The following SYNE2 variants were observed in gnomAD, a reference collection of about 807,000 sequenced individuals.
SYNE2 encodes the protein nesprin-2.
A neutral mutation model predicts 856.3 loss-of-function variants in SYNE2; 431 were observed. That is an observed-to-expected ratio of 0.50 (90% CI 0.47 to 0.55). The LOEUF (loss-of-function observed/expected upper bound fraction) is 0.55, where lower values mean the gene tolerates loss of function less well. Ranked by LOEUF, SYNE2 falls within the 20% of genes least tolerant of loss-of-function variation. The pLI is 0.00. For synonymous variants in SYNE2, 2,923 were observed against 2,872.3 expected (o/e 1.02, Z -0.56); for missense variants, 8,129 against 8,023.2 (o/e 1.01, Z -0.50).
chr14:64,094,652 A>G (rs2097661533), intron 61 of SYNE2, among the ~76,000 whole-genome samples: 1 of 152,234 alleles, frequency 6.6e-6, no homozygotes, highest in South Asian at 2.1e-4. Flanking sequence ...GTGCAAGATG[A>G]CACAGCTGTT....
At position 64,216,286 on chromosome 14, in the gene SYNE2, G is replaced by A. The variant is rs202052357; in HGVS notation, c.19441G>A (p.Asp6481Asn). ...GGATGGCCACTCGTGGCATGTTCCC[G>A]ACAGCCCTTCCTGTCCCGAGCATCA... is the stretch of plus-strand genomic sequence containing the variant. Reference protein sequence around the residue: ...ISDGHSWHVPDSPSCPEHHYK... With the variant: ...ISDGHSWHVPNSPSCPEHHYK... Residue 6481 changes from aspartate to asparagine, a missense_variant, in exon 108 of 116, where the codon GAC becomes AAC. By Grantham distance (23) the Asp-to-Asn change is conservative. This residue lies in a region of SYNE2 where 5,410 missense variants were observed against 5,284.8 expected (regional missense o/e 1.02). Coordinates refer to ENST00000555002, the MANE Select transcript of SYNE2 (RefSeq NM_182914.3). The A allele has an allele frequency of 9.3e-6, 15 of 1,614,012 alleles. No individual in the cohort carries two copies. The highest frequency in any genetic ancestry group is 3.3e-5 in the South Asian group (3 of 91,086).
At chr14:64,027,840 T>G in intron 43 of SYNE2, 47 bp downstream of exon 43, 2 of 1,432,266 alleles carry the variant, frequency 1.4e-6, no homozygotes, top group Non-Finnish European at 2.0e-6. Context: ...TAATTATACA[T>G]AAGTATGCAA....
intron 1 of SYNE2, among the ~76,000 whole-genome samples, chr14:63,855,839 T>C (rs971470321): frequency 1.3e-5 from 2 of 152,222 alleles, no homozygotes; most frequent in Non-Finnish European, 2.9e-5. Flanking sequence ...AACTGGCGTA[T>C]AGCAGGTCCT....
At chr14:64,138,220 C>CTT (rs2098112039) in intron 79 of SYNE2, among the ~76,000 whole-genome samples, 1 of 151,742 alleles carries the variant, frequency 6.6e-6, no homozygotes, top group Non-Finnish European at 1.5e-5. Flanking sequence ...CTTTTCTTTT[C>CTT]TTTTCTTTTT....
chr14:63,956,531 T>C (rs1035665111), intron 8 of SYNE2: 9 of 434,290 alleles, frequency 2.1e-5, no homozygotes, highest in African/African-American at 1.8e-4. Context: ...GATTTGTCAC[T>C]TAATCTTTTT....
At chr14:63,816,927 T>C (rs1468535575) in intron 1 of SYNE2, among the ~76,000 whole-genome samples, 1 of 152,054 alleles carries the variant, frequency 6.6e-6, no homozygotes, top group Non-Finnish European at 1.5e-5. Context: ...CTATATTGGC[T>C]AGGCTAATCA....
intron 2 of SYNE2, among the ~76,000 whole-genome samples, chr14:63,932,014 C>T (rs1481587855): frequency 3.3e-5 from 5 of 152,084 alleles, no homozygotes; most frequent in East Asian, 1.9e-4. Flanking sequence ...TAGTAATAAG[C>T]GGAAAAGATT....
chr14:64,168,173 G>A (rs140509049), intron 92 of SYNE2, among the ~76,000 whole-genome samples: 28 of 152,182 alleles, frequency 1.8e-4, no homozygotes, highest in South Asian at 8.3e-4. Flanking sequence ...GCGCAATCTC[G>A]GCTCACTGAA....
At chr14:64,039,178 A>AG (rs2097128028) in intron 45 of SYNE2, among the ~76,000 whole-genome samples, 1 of 152,248 alleles carries the variant, frequency 6.6e-6, no homozygotes, top group African/African-American at 2.4e-5. Context: ...AAAGCTTTAG[A>AG]GAAAAAAGAA....
At chr14:63,944,571 T>G (rs935411759) in intron 6 of SYNE2, among the ~76,000 whole-genome samples, 1 of 142,976 alleles carries the variant, frequency 7.0e-6, no homozygotes, top group Non-Finnish European at 1.5e-5. Flanking sequence ...TTGCCCAGGC[T>G]GGAGTGCAGT....
intron 9 of SYNE2, among the ~76,000 whole-genome samples, chr14:63,962,821 G>A (rs527609088): frequency 6.6e-4 from 100 of 152,226 alleles, no homozygotes; most frequent in African/African-American, 2.3e-3. Context: ...GATTATAGGC[G>A]AGCCACTGTG....
At position 64,209,440 on chromosome 14, in the gene SYNE2, G is replaced by T; in HGVS notation, c.18402G>T (p.Thr6134=). ...TTGCTCCCATCAGAATCGAGGAGAC[G>T]TGGCGCCTGTGGCAGAAGTTTTTAG... ...SMERRMKIEE[T]WRLWQKFLDD... The change falls in exon 102 of 116, where the codon ACG becomes ACT. Residue 6134 remains threonine (T), a synonymous_variant. Coordinates refer to ENST00000555002, the MANE Select transcript of SYNE2 (RefSeq NM_182914.3). 1.2e-6 allele frequency: 2 copies of T among 1,614,232 alleles called. No homozygotes were observed. Among genetic ancestry groups the T allele is most frequent in the South Asian group, 1.1e-5 (1 of 91,086 alleles).
Position 63,793,769 on chromosome 14 carries a change from C to A in SYNE2, c.-305+31783C>A, listed in dbSNP as rs528247779. On this transcript the variant is annotated intron_variant, in intron 1 of 23. Coordinates refer to the SYNE2 transcript ENST00000674003. ...CTGGGCAACAAAATGAGGCCCCCCC[C>A]CAACTAAAAAATTAAAAAATTAGGC... 1.2e-4 allele frequency among the ~76,000 whole-genome samples: 17 copies of A among 140,306 alleles called. No homozygotes were observed. The South Asian group carries it at 1.5e-3, about 12-fold the overall frequency. The allele number at this position is 140,306 out of a possible 152,430, so 92.0% of individuals were successfully genotyped here.
intron 82 of SYNE2, 89 bp downstream of exon 82, chr14:64,142,177 TA>T (rs2098143616): frequency 6.7e-7 from 1 of 1,502,242 alleles, no homozygotes; most frequent in Non-Finnish European, 9.2e-7. Flanking sequence ...ACATAGGATA[TA>T]ATTTCAAAAA....
At chr14:63,924,465 A>T (rs2095636065) in intron 2 of SYNE2, among the ~76,000 whole-genome samples, 6 of 152,194 alleles carry the variant, frequency 3.9e-5, no homozygotes, top group Admixed American at 3.9e-4. Flanking sequence ...TTGCCATCTT[A>T]ACAATATTAA....
Position 64,126,604 on chromosome 14 carries a change from G to A in SYNE2, c.13714G>A (p.Ala4572Thr), listed in dbSNP as rs1204625501. 6.2e-7 allele frequency: 1 copy of A among 1,614,192 alleles called. No homozygotes were observed. Among genetic ancestry groups the A allele is most frequent in the Non-Finnish European group, 8.5e-7 (1 of 1,180,030 alleles). The change falls in exon 73 of 116, where the codon GCT becomes ACT. Residue 4572 changes from alanine (A) to threonine (T), a missense_variant. Ala to Thr is a moderately conservative substitution (Grantham distance 58, BLOSUM62 0). Transcript: ENST00000555002. ...TCCTTCCTCTCCACTCCAGACGCTGGCTCTTGAGTTGAAGAAACTTTATTT... is the reference window on the plus strand; with the variant it reads ...TCCTTCCTCTCCACTCCAGACGCTGACTCTTGAGTTGAAGAAACTTTATTT... ...SGQQVHYETL[A>T]LELKKLYLAL...
At chr14:64,220,683 C>T (rs1471457280) in intron 111 of SYNE2, 46 bp downstream of exon 111, 20 of 1,601,822 alleles carry the variant, frequency 1.2e-5, no homozygotes, top group Non-Finnish European at 1.7e-5. Flanking sequence ...TACCCAGGCC[C>T]ACGTGGTAGG....
At chr14:63,951,297 C>G (rs1416521205) in intron 7 of SYNE2, among the ~76,000 whole-genome samples, 2 of 152,078 alleles carry the variant, frequency 1.3e-5, no homozygotes, top group Middle Eastern at 3.4e-3. Flanking sequence ...TGCTTTCAGC[C>G]TTACTTTTCT....
At position 63,997,298 on chromosome 14, in the gene SYNE2, T is replaced by C; in HGVS notation, c.3153-3T>C. The C allele has an allele frequency of 6.2e-7, 1 of 1,612,674 alleles. No individual in the cohort carries two copies. The highest frequency in any genetic ancestry group is 8.5e-7 in the Non-Finnish European group (1 of 1,179,308). On this transcript the variant is annotated splice_region_variant and splice_polypyrimidine_tract_variant and intron_variant, in intron 24 of 115. Transcript: ENST00000555002. Reference sequence around the variant, plus strand: ...TAAACATGCAATTTTGATTCCTTTCTAGGGGGACCATCACCACATCTGAGA... The same window carrying C: ...TAAACATGCAATTTTGATTCCTTTCCAGGGGGACCATCACCACATCTGAGA...
Sources: gnomAD v4.1 joint callset for allele counts (sites outside exome capture counted in the v4.1 genomes callset) on GRCh38, gnomAD v4.1.1 for gene constraint, gnomAD v4.1.1 regional missense constraint, MANE v1.5 for transcripts, NCBI Gene and HGNC (gene_info 2026-07-23, HGNC 2026-07-21) for gene names.